The following HMGXB3 variants were observed in gnomAD, a reference collection of about 807,000 sequenced individuals.
HMGXB3 encodes HMG-box containing 3, also known as HMG domain-containing protein 3.
HMGXB3 carries 45 observed loss-of-function variants against 121.5 expected under a neutral mutation model. The ratio of observed to expected loss-of-function variants is 0.37; its 90% CI spans 0.29 to 0.47. The LOEUF (loss-of-function observed/expected upper bound fraction) is 0.47. Ranked by LOEUF, HMGXB3 falls within the 20% of genes least tolerant of loss-of-function variation. The pLI is 0.99. For missense variants in HMGXB3, 1,376 were observed against 1,602.2 expected (o/e 0.86, Z 2.41); for synonymous variants, 590 against 624.1 (o/e 0.95, Z 0.81).
chr5:150,045,266 A>G (rs1357959226), intron 15 of HMGXB3, among the ~76,000 whole-genome samples, 200 bp from the exon 16 acceptor site: 4 of 152,220 alleles, frequency 2.6e-5, no homozygotes, highest in East Asian at 1.9e-4. Flanking sequence ...GGAGAGTACT[A>G]TGGTGTGAGG....
chr5:150,016,224 T>G (rs1237886531), intron 5 of HMGXB3, among the ~76,000 whole-genome samples: 1 of 151,498 alleles, frequency 6.6e-6, no homozygotes, highest in Non-Finnish European at 1.5e-5. Context: ...ACACCTATAG[T>G]CCCAGCTACT....
At chr5:150,025,458 C>T (rs1051958641) in intron 7 of HMGXB3, among the ~76,000 whole-genome samples, 1 of 151,970 alleles carries the variant, frequency 6.6e-6, no homozygotes, top group Non-Finnish European at 1.5e-5. Context: ...CCTTGTATAC[C>T]TTGTATGCAA....
At chr5:150,001,677 C>T (rs940416569) in intron 1 of HMGXB3, among the ~76,000 whole-genome samples, 7 of 152,062 alleles carry the variant, frequency 4.6e-5, no homozygotes, top group African/African-American at 1.5e-4. Flanking sequence ...ATTGTCCTGC[C>T]TTTTTTTGCA....
chr5:150,043,306 ACACT>A (rs58103311), intron 15 of HMGXB3, among the ~76,000 whole-genome samples: 11,842 of 152,212 alleles, frequency 0.078, 1,543 homozygotes, highest in African/African-American at 0.27. Context: ...GGTCTGGTCT[ACACT>A]CACAGGCAGG....
rs1756355129 is a variant in HMGXB3 at position 150,030,843 on chromosome 5, A to G, written c.1833+4A>G. 6.5e-7 allele frequency: 1 copy of G among 1,548,172 alleles called. No individual in the cohort carries two copies. Among genetic ancestry groups the G allele is most frequent in the African/African-American group, 1.4e-5 (1 of 72,962 alleles). ...GTACAGCTGCACTGTCACATTGGTAAGTATGCAGCTAGGTGGTGGTGGGTT... is the reference window on the plus strand; with the variant it reads ...GTACAGCTGCACTGTCACATTGGTAGGTATGCAGCTAGGTGGTGGTGGGTT... On this transcript the variant is annotated splice_donor_region_variant and intron_variant, in intron 10 of 19. Coordinates refer to ENST00000502717, the MANE Select transcript of HMGXB3 (RefSeq NM_014983.3).
chr5:150,045,340 G>C, intron 15 of HMGXB3, 126 bp from the exon 16 acceptor site: 2 of 761,100 alleles, frequency 2.6e-6, no homozygotes, highest in South Asian at 3.4e-5. Flanking sequence ...CTGTGGCAGT[G>C]CCTGGCTGTC....
rs1756738907 is a variant in HMGXB3 at position 150,045,684 on chromosome 5, T to C, written c.2949T>C (p.Pro983=). The C allele has an allele frequency of 6.4e-7, 1 of 1,550,986 alleles. No individual in the cohort carries two copies. The highest frequency in any genetic ancestry group is 1.4e-5 in the African/African-American group (1 of 73,002). ...KDKNLDVQPV[P]GSGSALVRLL... ...AAAACCTGGATGTGCAGCCAGTACC[T>C]GGTAAGGCCACCTGGTGGCTGACTG... The change falls in exon 16 of 20, where the codon CCT becomes CCC. Residue 983 remains proline, a splice_region_variant and synonymous_variant. Coordinates refer to ENST00000502717, the MANE Select transcript of HMGXB3 (RefSeq NM_014983.3).
Position 150,015,997 on chromosome 5 carries a change from G to T in HMGXB3, c.910-2569G>T, listed in dbSNP as rs564906974. 2.0e-4 allele frequency among the ~76,000 whole-genome samples: 30 copies of T among 152,256 alleles called. 1 individual carries two copies. The South Asian group carries it at 3.1e-3, about 16-fold the overall frequency. On this transcript the variant is annotated intron_variant, in intron 5 of 19. Coordinates refer to ENST00000502717, the MANE Select transcript of HMGXB3 (RefSeq NM_014983.3). Reference sequence around the variant, plus strand: ...TAATTAGGTCAAGTTGATTGATAACGTTCAACCCTTTTATATCCTTACTGA... The same window carrying T: ...TAATTAGGTCAAGTTGATTGATAACTTTCAACCCTTTTATATCCTTACTGA...
Position 150,052,339 on chromosome 5 carries a change from T to A in HMGXB3, c.*147T>A. 1 of 661,534 alleles carries A rather than the reference T, an allele frequency of 1.5e-6. No homozygotes were observed. Among genetic ancestry groups the A allele is most frequent in the South Asian group, 2.0e-5 (1 of 50,780 alleles). 41.0% of individuals were successfully genotyped at this position (661,534 alleles called of 1,614,324 possible). ...GACTGACCAAAGAGCTTCCATTCCC[T>A]GAGCATGGTGGGACCCAGGGTCCTC... On this transcript the variant is annotated 3_prime_UTR_variant, in exon 20 of 20. Coordinates refer to ENST00000502717, the MANE Select transcript of HMGXB3 (RefSeq NM_014983.3).
chr5:150,045,939 T>C (rs913153861), intron 16 of HMGXB3, among the ~76,000 whole-genome samples: 4 of 152,188 alleles, frequency 2.6e-5, no homozygotes, highest in African/African-American at 7.2e-5. Flanking sequence ...ATACACACAC[T>C]GAGTAGCAGA....
rs557057391 is a variant in HMGXB3, at chr5:150,044,873, T to C, written c.2731-593T>C. On this transcript the variant is annotated intron_variant, in intron 15 of 19. Coordinates refer to ENST00000502717, the MANE Select transcript of HMGXB3 (RefSeq NM_014983.3). ...GTAGCACAAGCGCTATTAATAGATG[T>C]CTATAAGAGATAAGTAAATGCTGCC... 1.7e-3 allele frequency among the ~76,000 whole-genome samples: 261 copies of C among 152,324 alleles called. 6 individuals carry two copies. Among genetic ancestry groups the C allele is most frequent in the Non-Finnish European group, 1.3e-4 (9 of 68,038 alleles).
chr5:150,031,416 A>AGACAGCT, intron 10 of HMGXB3, among the ~76,000 whole-genome samples: 1 of 152,360 alleles, frequency 6.6e-6, no homozygotes, highest in East Asian at 1.9e-4. Context: ...AATAAATGCT[A>AGACAGCT]GACAGCTGAG....
chr5:150,033,685 G>A (rs1252293301), intron 11 of HMGXB3, among the ~76,000 whole-genome samples: 2 of 152,184 alleles, frequency 1.3e-5, no homozygotes, highest in East Asian at 3.8e-4. Context: ...CTTGAGCCGG[G>A]GAGAGGCCTA....
At chr5:150,013,629 A>G (rs1259570302) in intron 5 of HMGXB3, among the ~76,000 whole-genome samples, 1 of 152,218 alleles carries the variant, frequency 6.6e-6, no homozygotes, top group African/African-American at 2.4e-5. Context: ...CAGTGAAGTC[A>G]TCTGGGCCTG....
At chr5:150,033,554 G>A (rs1300949079) in intron 11 of HMGXB3, among the ~76,000 whole-genome samples, 2 of 152,276 alleles carry the variant, frequency 1.3e-5, no homozygotes, top group East Asian at 1.9e-4. Flanking sequence ...AGGAGATGGC[G>A]TGGGGGCATG....
intron 18 of HMGXB3, among the ~76,000 whole-genome samples, chr5:150,049,419 C>CT (rs397818477): frequency 1.3e-5 from 2 of 151,808 alleles, no homozygotes; most frequent in Non-Finnish European, 2.9e-5. Context: ...AACCCCCCCC[C>CT]TTAACAGGTA....
At position 150,052,576 on chromosome 5, in the gene HMGXB3, GTC is replaced by G. The variant is rs1581272559; in HGVS notation, c.*389_*390del. The stretch of plus-strand genomic sequence containing the variant: ...AGCACTAGGTGGGAAGGCTGCTGAG[GTC>G]TCTCCCACCCCTGAGGAGCCCTGGT... On this transcript the variant is annotated 3_prime_UTR_variant, in exon 20 of 20. Coordinates refer to ENST00000502717, the MANE Select transcript of HMGXB3 (RefSeq NM_014983.3). 1 of 214,090 alleles carries G rather than the reference GTC, an allele frequency of 4.7e-6. No homozygotes were observed. The highest frequency in any genetic ancestry group is 1.1e-4 in the East Asian group (1 of 9,270). The allele number at this position is 214,090 out of a possible 1,614,324, so 13.3% of individuals were successfully genotyped here. A position where few individuals can be genotyped will look rare whatever the true frequency, so the allele number is the denominator to read the frequency against.
chr5:150,019,343 A>G (rs985850495), intron 6 of HMGXB3, among the ~76,000 whole-genome samples: 4 of 152,218 alleles, frequency 2.6e-5, no homozygotes, highest in Admixed American at 1.3e-4. Context: ...TCAGTTAACA[A>G]TGTTTCTGTT....
Position 150,032,584 on chromosome 5 carries a change from A to G in HMGXB3, c.1964A>G (p.Glu655Gly). 6.4e-7 allele frequency: 1 copy of G among 1,552,342 alleles called. No individual in the cohort carries two copies. The highest frequency in any genetic ancestry group is 8.7e-7 in the Non-Finnish European group (1 of 1,147,116). The change falls in exon 11 of 20, where the codon GAG (glutamate) becomes GGG (glycine). Residue 655 changes from glutamate (E) to glycine (G), a missense_variant. Glu to Gly is a moderately conservative substitution (Grantham distance 98). Around this residue, in one of 2 missense-constraint regions of HMGXB3, gnomAD observed 1,116 missense variants for 1,369.0 expected, o/e 0.82. Transcript: ENST00000502717. ...CGVNLAKDRT[E>G]KTTKAIEVSS... is the part of the protein sequence containing the mutation. ...GTTAACCTTGCCAAAGACCGGACTG[A>G]GAAAACCACCAAGGCTATCGTGAGT...
Sources: gnomAD v4.1 joint callset for allele counts (sites outside exome capture counted in the v4.1 genomes callset) on GRCh38, gnomAD v4.1.1 for gene constraint, gnomAD v4.1.1 regional missense constraint, MANE v1.5 for transcripts, NCBI Gene and HGNC (gene_info 2026-07-23, HGNC 2026-07-21) for gene names.